INSR: variants seen among roughly 807,000 people sequenced by gnomAD.
INSR encodes insulin receptor.
Under a neutral mutation model 142.6 loss-of-function variants are expected in INSR, and 67 were observed. The ratio of observed to expected loss-of-function variants is 0.47; its 90% CI spans 0.39 to 0.58. The LOEUF (loss-of-function observed/expected upper bound fraction) is 0.58. Among genes scored for constraint, INSR ranks in the 20% least tolerant of loss-of-function variants. The pLI, the probability that INSR is intolerant of heterozygous loss-of-function variation, is 0.00. For synonymous variants in INSR, 756 were observed against 743.1 expected (o/e 1.02, Z -0.28); for missense variants, 1,248 against 1,833.2 (o/e 0.68, Z 5.83).
intron 13 of INSR, among the ~76,000 whole-genome samples, chr19:7,140,623 T>C (rs4804072): frequency 0.018 from 2,809 of 152,334 alleles, 49 homozygotes; most frequent in African/African-American, 0.044. Context: ...TGAGGACGTA[T>C]TGTACTTCCT....
chr19:7,199,499 G>A (rs1476489712), intron 2 of INSR, among the ~76,000 whole-genome samples: 2 of 148,078 alleles, frequency 1.4e-5, no homozygotes, highest in Non-Finnish European at 3.0e-5. Context: ...CTGGGCTCAA[G>A]TGATCCTTCC....
intron 2 of INSR, among the ~76,000 whole-genome samples, chr19:7,219,584 GAA>G (rs1473542049): frequency 5.8e-5 from 6 of 103,890 alleles, no homozygotes; most frequent in African/African-American, 2.6e-4. Context: ...GGAAGGGAGG[GAA>G]GAGAGAGAGA....
intron 2 of INSR, among the ~76,000 whole-genome samples, chr19:7,234,407 C>T (rs1243916242): frequency 6.6e-6 from 1 of 151,920 alleles, no homozygotes; most frequent in Non-Finnish European, 1.5e-5. Flanking sequence ...GGGGTCTCGC[C>T]ATGTTGCCCA....
chr19:7,190,517 G>A (rs1306441366), intron 2 of INSR, among the ~76,000 whole-genome samples: 4 of 151,774 alleles, frequency 2.6e-5, no homozygotes, highest in Admixed American at 6.6e-5. Context: ...GATTACAGGC[G>A]CCCGTCATCA....
At chr19:7,163,473 T>C (rs1973810734) in intron 8 of INSR, among the ~76,000 whole-genome samples, 1 of 151,314 alleles carries the variant, frequency 6.6e-6, no homozygotes. Flanking sequence ...GGCAGGAGAA[T>C]GGCGTGAACC....
chr19:7,229,539 A>G (rs1975902763), intron 2 of INSR, among the ~76,000 whole-genome samples: 1 of 152,208 alleles, frequency 6.6e-6, no homozygotes, highest in Non-Finnish European at 1.5e-5. Context: ...GGAGAGTACA[A>G]GTAAATACTG....
At chr19:7,261,280 C>A (rs574933745) in intron 2 of INSR, among the ~76,000 whole-genome samples, 1 of 152,114 alleles carries the variant, frequency 6.6e-6, no homozygotes, top group African/African-American at 2.4e-5. Flanking sequence ...CTAGACTGGC[C>A]GCTCTGAGGA....
At chr19:7,128,584 A>G (rs1360910511) in intron 15 of INSR, among the ~76,000 whole-genome samples, 2 of 152,092 alleles carry the variant, frequency 1.3e-5, no homozygotes, top group East Asian at 1.9e-4. Context: ...TTGTTTATCA[A>G]TTGCAATAAT....
chr19:7,120,329 C>T (rs374001093), intron 20 of INSR, among the ~76,000 whole-genome samples: 16 of 152,330 alleles, frequency 1.1e-4, no homozygotes, highest in Admixed American at 7.8e-4. Flanking sequence ...CCACCTTGGG[C>T]ACCTGTCCTC....
At position 7,184,395 on chromosome 19, in the gene INSR, G is replaced by A; in HGVS notation, c.895C>T (p.Gln299Ter). 19 of 1,614,080 alleles carry A rather than the reference G, an allele frequency of 1.2e-5. No homozygotes were observed. The highest frequency in any genetic ancestry group is 1.6e-5 in the Non-Finnish European group (19 of 1,180,008). Residue 299 changes from glutamine to a stop codon, truncating the protein, a stop_gained, in exon 3 of 22, where the codon CAG becomes TAG. Coordinates refer to ENST00000302850, the MANE Select transcript of INSR (RefSeq NM_000208.4). LOFTEE classifies it high-confidence loss of function. ...LHHKCKNSRR[Q>*]GCHQYVIHNN... ...TGAATGACGTACTGGTGGCAGCCCT[G>A]CCTCCGCGAGTTCTTGCATTTGTGG...
chr19:7,163,938 A>ATATAT (rs1973824837), intron 8 of INSR, among the ~76,000 whole-genome samples: 1 of 145,076 alleles, frequency 6.9e-6, no homozygotes, highest in African/African-American at 2.6e-5. Flanking sequence ...AAAAAAAAAA[A>ATATAT]AAAAAAAAAA....
intron 2 of INSR, among the ~76,000 whole-genome samples, chr19:7,218,471 CT>C (rs1338291993): frequency 6.6e-6 from 1 of 152,104 alleles, no homozygotes; most frequent in Admixed American, 6.6e-5. Flanking sequence ...GCACACTGAA[CT>C]TCTTGCCTCT....
chr19:7,174,685 G>C lies in INSR; in HGVS notation c.1021C>G (p.Leu341Val), dbSNP rs1974096508. 2 of 1,613,918 alleles carry C rather than the reference G, an allele frequency of 1.2e-6. 1 individual carries two copies. The highest frequency in any genetic ancestry group is 2.2e-5 in the South Asian group (2 of 91,078). ...TCGATGGTCTTCTCGCCTTCTAGGAGGTGGCACACCTTGGGACAGGGACCC... is the reference window on the plus strand; with the variant it reads ...TCGATGGTCTTCTCGCCTTCTAGGACGTGGCACACCTTGGGACAGGGACCC... ...CLGPCPKVCH[L>V]LEGEKTIDSV... The change falls in exon 4 of 22, where the codon CTC (leucine) becomes GTC (valine). Residue 341 changes from leucine (L) to valine (V), a missense_variant. Coordinates refer to ENST00000302850, the MANE Select transcript of INSR (RefSeq NM_000208.4).
chr19:7,225,918 C>T lies in INSR; in HGVS notation c.653-41281G>A, dbSNP rs1436439881. On this transcript the variant is annotated intron_variant, in intron 2 of 21. Transcript: ENST00000302850. The surrounding 1 kb of genome is among the most constrained non-coding windows in gnomAD (Gnocchi z 4.7). ...CTGCTAGCACCCTCAGTGCCCAGGA[C>T]GGCCCCACCCCAGAGAACAATCCAG... Among the ~76,000 whole-genome samples the T allele has an allele frequency of 2.6e-5, 4 of 152,180 alleles. No homozygotes were observed. Among genetic ancestry groups the T allele is most frequent in the Non-Finnish European group, 4.4e-5 (3 of 68,034 alleles).
At chr19:7,179,991 C>A (rs928532562) in intron 3 of INSR, among the ~76,000 whole-genome samples, 9 of 152,172 alleles carry the variant, frequency 5.9e-5, no homozygotes, top group Admixed American at 5.9e-4. Flanking sequence ...CCCTTCCTGG[C>A]TGCTGGGGTA....
chr19:7,195,717 T>C (rs1974726452), intron 2 of INSR, among the ~76,000 whole-genome samples: 1 of 151,836 alleles, frequency 6.6e-6, no homozygotes, highest in Non-Finnish European at 1.5e-5. Flanking sequence ...ACTGAGGAAT[T>C]GTGCGGACTT....
intron 2 of INSR, among the ~76,000 whole-genome samples, chr19:7,244,049 G>A (rs1015433430): frequency 1.3e-5 from 2 of 152,068 alleles, no homozygotes; most frequent in African/African-American, 4.8e-5. Flanking sequence ...TGTAGAGGAC[G>A]AAATTGCACA....
intron 9 of INSR, among the ~76,000 whole-genome samples, chr19:7,153,320 C>G (rs113707002): frequency 4.0e-3 from 12 of 2,964 alleles, no homozygotes; most frequent in Non-Finnish European, 8.5e-3. Flanking sequence ...ATCACACACA[C>G]ACCACACACA....
chr19:7,243,965 G>T lies in INSR; in HGVS notation c.652+23380C>A, dbSNP rs142478439. ...AATAAGATTTAAAACCGAAACAAGA[G>T]GTATGATTTTAGACATAATTTTTTT... On this transcript the variant is annotated intron_variant, in intron 2 of 21. Coordinates refer to ENST00000302850, the MANE Select transcript of INSR (RefSeq NM_000208.4). 7.2e-5 allele frequency among the ~76,000 whole-genome samples: 11 copies of T among 152,264 alleles called. No homozygotes were observed. The East Asian group carries it at 2.1e-3, about 29-fold the overall frequency.
Sources: allele counts gnomAD v4.1 joint callset (sites outside exome capture counted in the v4.1 genomes callset), GRCh38; gene constraint gnomAD v4.1.1; non-coding constraint Gnocchi (gnomAD v3.1); transcripts MANE v1.5; gene names NCBI Gene and HGNC (gene_info 2026-07-23, HGNC 2026-07-21).